Variants in BCOR observed in about 807,000 individuals in gnomAD.
BCOR encodes BCL-6 corepressor.
BCOR carries 10 observed loss-of-function variants against 86.7 expected under a neutral mutation model. The ratio of observed to expected loss-of-function variants is 0.12; its 90% CI spans 0.07 to 0.20. The LOEUF is 0.20. Ranked by LOEUF, BCOR falls within the 10% of genes least tolerant of loss-of-function variation. BCOR has a pLI of 1.00. For missense variants in BCOR, 1,259 were observed against 1,452.1 expected, an observed-to-expected ratio of 0.87 and a Z score of 2.16; for synonymous variants, 611 against 609.0, an observed-to-expected ratio of 1.00 and a Z score of -0.05.
chrX:40,137,974 CAG>C (rs2147933402), intron 1 of BCOR, among the ~76,000 whole-genome samples: 1 of 109,858 alleles, frequency 9.1e-6, no homozygotes, highest in South Asian at 3.8e-4. Context: ...TTTTTTAAGA[CAG>C]AGTTTCACTC....
rs962760860 is a variant in BCOR, at chrX:40,073,975, G to C, written c.1371C>G (p.His457Gln). 4.1e-6 allele frequency: 5 copies of C among 1,211,062 alleles called. No homozygotes were observed. In the African/African-American group the frequency reaches 8.7e-5, roughly 21 times the overall value. ...GGACCGTGGGAGCCATCTTTTTCAT[G>C]TGGTCAGCTTTGGAAGCATCTACAT... The part of the protein sequence containing the change: ...VVDVDASKAD[H>Q]MKKMAPTVLV... The change falls in exon 4 of 15, where the codon CAC (histidine) becomes CAG (glutamine). Residue 457 changes from histidine (H) to glutamine (Q), a missense_variant. His to Gln is a conservative substitution (Grantham distance 24). Around this residue, in one of 7 missense-constraint regions of BCOR, gnomAD observed 534 missense variants for 594.8 expected, o/e 0.90. Coordinates refer to ENST00000378444, the MANE Select transcript of BCOR (RefSeq NM_001123385.2).
chrX:40,156,337 G>A (rs757657069), intron 1 of BCOR, among the ~76,000 whole-genome samples: 80 of 111,397 alleles, frequency 7.2e-4, no homozygotes, highest in Admixed American at 3.6e-3. Flanking sequence ...AGCCCGTGCA[G>A]CTTAGGCTCT....
At chrX:40,068,005 G>A (rs1019182453) in intron 6 of BCOR, 2 of 112,133 alleles carry the variant, frequency 1.8e-5, no homozygotes, top group African/African-American at 6.5e-5. Context: ...CCTTCTGTGA[G>A]TGGAATGCCA....
intron 1 of BCOR, among the ~76,000 whole-genome samples, chrX:40,136,108 G>A (rs895314952): frequency 1.3e-4 from 14 of 111,355 alleles, no homozygotes; most frequent in African/African-American, 1.6e-4. Flanking sequence ...TTTGAGTCCC[G>A]GACTTAAGAG....
Position 40,064,536 on chromosome X carries a change from G to T in BCOR, c.3302C>A (p.Pro1101His). ...PFEAPEDKDL[P>H]VEKYFVERQP... ...CCTCTCCACAAAGTACTTCTCCACA[G>T]GAAGATCTTTGTCCTCTGGGGCTTC... is the stretch of plus-strand genomic sequence containing the variant. The change falls in exon 7 of 15, where the codon CCT (proline) becomes CAT (histidine). Residue 1101 changes from proline (P) to histidine (H), a missense_variant. Pro to His is a moderately conservative substitution (Grantham distance 77, BLOSUM62 -2). Around this residue, in one of 7 missense-constraint regions of BCOR, gnomAD observed 305 missense variants for 286.1 expected, o/e 1.07. Transcript: ENST00000378444. 8.3e-7 allele frequency: 1 copy of T among 1,211,871 alleles called. No individual in the cohort carries two copies. The highest frequency in any genetic ancestry group is 1.1e-6 in the Non-Finnish European group (1 of 895,351).
At chrX:40,055,640 A>G (rs1253993260) in intron 11 of BCOR, 127 bp from the exon 12 acceptor site, 6 of 739,358 alleles carry the variant, frequency 8.1e-6, no homozygotes, top group African/African-American at 4.2e-5. Flanking sequence ...CCTCCTAAGC[A>G]CAGTATTTCA....
Position 40,133,617 on chromosome X carries a change from G to A in BCOR, c.-41+43390C>T, listed in dbSNP as rs376557758. On this transcript the variant is annotated intron_variant, in intron 1 of 14. Transcript: ENST00000342274. ...TGGGACTACAGGCGACGGCCACCACGCCCGGCTAATTTTTTTGTATTTTTA... is the reference window on the plus strand; with the variant it reads ...TGGGACTACAGGCGACGGCCACCACACCCGGCTAATTTTTTTGTATTTTTA... Among the ~76,000 whole-genome samples the A allele has an allele frequency of 4.5e-5, 5 of 109,944 alleles. No individual in the cohort carries two copies. In the East Asian group the frequency reaches 8.6e-4, roughly 19 times the overall value.
chrX:40,061,852 T>G (rs1934890263), intron 10 of BCOR, among the ~76,000 whole-genome samples: 1 of 111,319 alleles, frequency 9.0e-6, no homozygotes, highest in African/African-American at 3.3e-5. Context: ...TTGTGTCAGA[T>G]TTTATATCAG....
intron 4 of BCOR, 151 bp downstream of exon 4, chrX:40,072,198 T>C: frequency 1.7e-6 from 1 of 573,605 alleles, no homozygotes; most frequent in African/African-American, 2.2e-5. Flanking sequence ...TCACGTTCTC[T>C]TACTGGCCAC....
intron 1 of BCOR, among the ~76,000 whole-genome samples, chrX:40,146,219 G>T (rs1439164332): frequency 3.6e-5 from 4 of 111,928 alleles, no homozygotes; most frequent in African/African-American, 1.3e-4. Flanking sequence ...CGGAGGCGGG[G>T]CGCGGGGCTC....
At chrX:40,106,113 G>A (rs946451725) in intron 1 of BCOR, among the ~76,000 whole-genome samples, 17 of 111,649 alleles carry the variant, frequency 1.5e-4, no homozygotes, top group African/African-American at 4.6e-4. Context: ...AGGGCCAATG[G>A]ACGCTCCCCG....
intron 1 of BCOR, among the ~76,000 whole-genome samples, chrX:40,157,076 C>T (rs749201299): frequency 1.8e-5 from 2 of 113,513 alleles, no homozygotes; most frequent in Non-Finnish European, 3.7e-5. Flanking sequence ...GAATGGTTGG[C>T]TTGGTGGTGG....
chrX:40,141,259 A>G (rs1422580097), intron 1 of BCOR, among the ~76,000 whole-genome samples: 1 of 113,009 alleles, frequency 8.8e-6, no homozygotes, highest in Non-Finnish European at 1.9e-5. Context: ...AACTTGAGCC[A>G]GCCCTGTTGG....
intron 10 of BCOR, among the ~76,000 whole-genome samples, 160 bp from the exon 11 acceptor site, chrX:40,057,481 G>A (rs921695453): frequency 8.9e-6 from 1 of 111,953 alleles, no homozygotes; most frequent in African/African-American, 3.3e-5. Flanking sequence ...ACACATGTGC[G>A]AAGCGCCTGA....
intron 1 of BCOR, among the ~76,000 whole-genome samples, chrX:40,104,169 T>C (rs2147796012): frequency 8.9e-6 from 1 of 111,775 alleles, no homozygotes; most frequent in East Asian, 2.8e-4. Context: ...CGGCTGGGTT[T>C]TCCTTCTCTT....
At chrX:40,173,021 TACG>T (rs755285414) in intron 1 of BCOR, among the ~76,000 whole-genome samples, 2 of 112,795 alleles carry the variant, frequency 1.8e-5, no homozygotes, top group South Asian at 7.2e-4. Context: ...GATGCCTCTG[TACG>T]ACTCTCCAGA....
At chrX:40,169,059 T>C (rs1339113528) in intron 1 of BCOR, among the ~76,000 whole-genome samples, 1 of 112,738 alleles carries the variant, frequency 8.9e-6, no homozygotes, top group Non-Finnish European at 1.9e-5. Context: ...CACTTTAGTT[T>C]CTGCCATTCA....
At chrX:40,104,428 G>A (rs1293386237) in intron 1 of BCOR, among the ~76,000 whole-genome samples, 1 of 112,112 alleles carries the variant, frequency 8.9e-6, no homozygotes, top group Non-Finnish European at 1.9e-5. Flanking sequence ...TTCCGCACAG[G>A]AATTTCGCGA....
chrX:40,061,979 A>G (rs1367008024), intron 10 of BCOR, among the ~76,000 whole-genome samples, 160 bp downstream of exon 10: 2 of 110,618 alleles, frequency 1.8e-5, no homozygotes, highest in Non-Finnish European at 3.8e-5. Context: ...AAGAGACAGC[A>G]GTGAGAGTGG....
Sources: allele counts gnomAD v4.1 joint callset (sites outside exome capture counted in the v4.1 genomes callset), GRCh38; gene constraint gnomAD v4.1.1; regional missense constraint gnomAD v4.1.1; transcripts MANE v1.5; gene names NCBI Gene and HGNC (gene_info 2026-07-23, HGNC 2026-07-21).